Variants in EFCAB6 observed in about 807,000 individuals in gnomAD.
EFCAB6 encodes EF-hand calcium binding domain 6.
In EFCAB6, 156 loss-of-function variants were observed where a neutral mutation model predicts 169.8. The ratio of observed to expected loss-of-function variants is 0.92; its 90% CI spans 0.81 to 1.05. The LOEUF (loss-of-function observed/expected upper bound fraction) is 1.05. Among genes scored for constraint, EFCAB6 ranks in the 50% least tolerant of loss-of-function variants. EFCAB6 has a pLI of 0.00. For synonymous variants in EFCAB6, 698 were observed against 676.4 expected, an observed-to-expected ratio of 1.03 and a Z score of -0.50; for missense variants, 1,800 against 1,829.1, an observed-to-expected ratio of 0.98 and a Z score of 0.29.
intron 3 of EFCAB6, among the ~76,000 whole-genome samples, chr22:43,777,226 C>T (rs1352660672): frequency 6.6e-6 from 1 of 152,148 alleles, no homozygotes; most frequent in Non-Finnish European, 1.5e-5. Flanking sequence ...TCGAGAGACC[C>T]GTTTAGCCAG....
chr22:43,674,857 C>T (rs1475496968), intron 13 of EFCAB6, among the ~76,000 whole-genome samples: 5 of 152,010 alleles, frequency 3.3e-5, no homozygotes, highest in African/African-American at 1.2e-4. Context: ...AGGCAAGAGT[C>T]GACCGCAGGT....
chr22:43,734,735 GA>G (rs903496334), intron 7 of EFCAB6, among the ~76,000 whole-genome samples: 24 of 146,242 alleles, frequency 1.6e-4, no homozygotes, highest in South Asian at 4.3e-4. Flanking sequence ...GTTATAAAGA[GA>G]AAAAAAAAAG....
chr22:43,742,683 C>T (rs1007587267), intron 6 of EFCAB6, among the ~76,000 whole-genome samples: 5 of 152,254 alleles, frequency 3.3e-5, no homozygotes, highest in Non-Finnish European at 7.3e-5. Context: ...GCGCAGCCCC[C>T]GCTGAGCCTG....
intron 6 of EFCAB6, among the ~76,000 whole-genome samples, chr22:43,755,358 A>G (rs889015110): frequency 6.6e-6 from 1 of 152,228 alleles, no homozygotes; most frequent in African/African-American, 2.4e-5. Context: ...ACTTAAGTAT[A>G]TATCACTTTG....
At chr22:43,734,531 C>A (rs1162392701) in intron 7 of EFCAB6, among the ~76,000 whole-genome samples, 1 of 152,178 alleles carries the variant, frequency 6.6e-6, no homozygotes, top group Non-Finnish European at 1.5e-5. Context: ...CAGTGCCAAA[C>A]ACAAGGTTTA....
At chr22:43,626,745 CCCA>C (rs2054555023) in intron 19 of EFCAB6, 66 bp from the exon 20 acceptor site, 1 of 1,484,284 alleles carries the variant, frequency 6.7e-7, no homozygotes, top group Non-Finnish European at 9.4e-7. Flanking sequence ...CATGCACACC[CCCA>C]CGTGTAGAGC....
At chr22:43,682,216 T>C (rs2058033804) in intron 12 of EFCAB6, among the ~76,000 whole-genome samples, 1 of 152,148 alleles carries the variant, frequency 6.6e-6, no homozygotes, top group African/African-American at 2.4e-5. Context: ...CATCTGATTG[T>C]TAATGCCATG....
chr22:43,778,916 TGAA>T (rs2061724476), intron 3 of EFCAB6, among the ~76,000 whole-genome samples: 1 of 151,552 alleles, frequency 6.6e-6, no homozygotes, highest in Non-Finnish European at 1.5e-5. Flanking sequence ...GCAAGACAAG[TGAA>T]GAAGAAAAGG....
chr22:43,536,788 G>C (rs1272327867), intron 29 of EFCAB6: 1 of 152,238 alleles, frequency 6.6e-6, no homozygotes, highest in Non-Finnish European at 1.5e-5. Flanking sequence ...GCAGTGAGCT[G>C]AGATCATACC....
In EFCAB6 at chr22:43,659,659, CA is replaced by C. The variant is rs533431138; in HGVS notation, c.1983+7444del. 3.2e-4 allele frequency among the ~76,000 whole-genome samples: 46 copies of C among 144,384 alleles called. No homozygotes were observed. The South Asian group carries it at 8.4e-3, about 26-fold the overall frequency. The allele number at this position is 144,384 out of a possible 152,430, so 94.7% of individuals were successfully genotyped here. A position where few individuals can be genotyped will look rare whatever the true frequency, so the allele number is the denominator to read the frequency against. Reference sequence around the variant, plus strand: ...AGGGTGCCAGGGTGATACCCTATCTCAAAAAAAAAACAAAAACCTAATTCAC... The same window carrying C: ...AGGGTGCCAGGGTGATACCCTATCTCAAAAAAAAACAAAAACCTAATTCAC... On this transcript the variant is annotated intron_variant, in intron 17 of 31. Transcript: ENST00000262726.
Position 43,540,277 on chromosome 22 carries a change from G to A in EFCAB6, c.3729C>T (p.Ser1243=), listed in dbSNP as rs781655326. 44 of 1,614,096 alleles carry A rather than the reference G, an allele frequency of 2.7e-5. 1 individual carries two copies. The South Asian group carries it at 3.2e-4, about 12-fold the overall frequency. ...TGGCCATTGGTGTGGCTGCTGTCTC[G>A]GAACTGAACCTGCTCAGGAAGTCCG... ...KYPDFLSRFS[S]ETAATPMATG... Residue 1243 remains serine, a synonymous_variant, in exon 28 of 32, where the codon TCC becomes TCT. Transcript: ENST00000262726.
In EFCAB6 at chr22:43,530,855, T is replaced by C; in HGVS notation, c.4343A>G (p.Glu1448Gly). 3 of 1,614,180 alleles carry C rather than the reference T, an allele frequency of 1.9e-6. No homozygotes were observed. Among genetic ancestry groups the C allele is most frequent in the Non-Finnish European group, 2.5e-6 (3 of 1,180,048 alleles). The change falls in exon 31 of 32, where the codon GAG (glutamate) becomes GGG (glycine). Residue 1448 changes from glutamate (E) to glycine (G), a missense_variant. Physicochemically the swap from Glu to Gly is moderately conservative, Grantham distance 98. Coordinates refer to ENST00000262726, the MANE Select transcript of EFCAB6 (RefSeq NM_022785.4). ...PMRRTFKSYD[E>G]AGTGLLSVAD... is the part of the protein sequence containing the mutation. ...GACGCTTAGCAGCCCTGTTCCAGCC[T>C]CATCATAGCTTTTGAACGTGCGCCG...
At chr22:43,728,288 C>T (rs2059811025) in intron 8 of EFCAB6, among the ~76,000 whole-genome samples, 1 of 152,182 alleles carries the variant, frequency 6.6e-6, no homozygotes, top group Non-Finnish European at 1.5e-5. Context: ...ATATCTGCCA[C>T]ATTTTCTTTA....
chr22:43,711,584 C>CA lies in EFCAB6; in HGVS notation c.921dup (p.Ala308CysfsTer6). Reference sequence around the variant, plus strand: ...TAGCCACCTTTACAGGGGTCCCCTGCACTGAGGGCCTTTTCAACCTTTTCA... The same window carrying CA: ...TAGCCACCTTTACAGGGGTCCCCTGCAACTGAGGGCCTTTTCAACCTTTTCA... On this transcript the variant is annotated frameshift_variant, in exon 10 of 32. Transcript: ENST00000262726. LOFTEE classifies it high-confidence loss of function. The CA allele has an allele frequency of 6.3e-7, 1 of 1,593,180 alleles. No individual in the cohort carries two copies. Among genetic ancestry groups the CA allele is most frequent in the Non-Finnish European group, 8.5e-7 (1 of 1,175,096 alleles).
intron 17 of EFCAB6, among the ~76,000 whole-genome samples, chr22:43,645,672 T>TA (rs995139894): frequency 2.6e-5 from 4 of 152,234 alleles, no homozygotes; most frequent in African/African-American, 9.6e-5. Context: ...GTAGTAGTGA[T>TA]ACGTATATTT....
At chr22:43,534,597 G>A (rs1330237216) in intron 30 of EFCAB6, 91 bp downstream of exon 30, 2 of 1,226,190 alleles carry the variant, frequency 1.6e-6, no homozygotes, top group Non-Finnish European at 2.2e-6. Context: ...CTCCAGTCTG[G>A]GCAATAGAGT....
At chr22:43,781,581 G>A (rs2061824903) in intron 3 of EFCAB6, among the ~76,000 whole-genome samples, 3 of 152,202 alleles carry the variant, frequency 2.0e-5, no homozygotes, top group South Asian at 4.2e-4. Context: ...CTCCTGCCTC[G>A]ACCTCCGGAA....
At position 43,628,468 on chromosome 22, in the gene EFCAB6, G is replaced by A. The variant is rs2054683865; in HGVS notation, c.2233-1789C>T. On this transcript the variant is annotated intron_variant, in intron 19 of 31. Coordinates refer to ENST00000262726, the MANE Select transcript of EFCAB6 (RefSeq NM_022785.4). The surrounding 1 kb of genome is among the most constrained non-coding windows in gnomAD (Gnocchi z 4.8). Reference sequence around the variant, plus strand: ...GTCGGCTCCGTGGCCTCTGCTCTGTGCAATCGCTCCCGAGCGATCCCTTAC... The same window carrying A: ...GTCGGCTCCGTGGCCTCTGCTCTGTACAATCGCTCCCGAGCGATCCCTTAC... Among the ~76,000 whole-genome samples the A allele has an allele frequency of 1.3e-5, 2 of 152,146 alleles. No homozygotes were observed. Among genetic ancestry groups the A allele is most frequent in the Admixed American group, 6.5e-5 (1 of 15,276 alleles).
Position 43,811,397 on chromosome 22 carries a change from GAAAAGAAAAGAA to G in EFCAB6, c.-145+759_-145+770del, listed in dbSNP as rs796102636. ...AAGGGAGGGGAGGGGAGGGAGAAAA[GAAAAGAAAAGAA>G]AAAAGAAAAGAAAAGAAGAGTCCTC... On this transcript the variant is annotated intron_variant, in intron 1 of 31. Coordinates refer to ENST00000262726, the MANE Select transcript of EFCAB6 (RefSeq NM_022785.4). Among the ~76,000 whole-genome samples, 312 of 150,190 alleles carry G rather than the reference GAAAAGAAAAGAA, an allele frequency of 2.1e-3. 4 individuals carry two copies. Among genetic ancestry groups the G allele is most frequent in the African/African-American group, 7.3e-3 (298 of 40,768 alleles).
Sources: gnomAD v4.1 joint callset for allele counts (sites outside exome capture counted in the v4.1 genomes callset) on GRCh38, gnomAD v4.1.1 for gene constraint, Gnocchi (gnomAD v3.1) non-coding constraint, MANE v1.5 for transcripts, NCBI Gene and HGNC (gene_info 2026-07-23, HGNC 2026-07-21) for gene names.